The following CNTNAP5 variants were observed in gnomAD, a reference collection of about 807,000 sequenced individuals.
CNTNAP5 encodes the protein contactin associated protein family member 5, also known as contactin-associated protein-like 5.
In CNTNAP5, 72 loss-of-function variants were observed where a neutral mutation model predicts 150.2. The ratio of observed to expected loss-of-function variants is 0.48; its 90% CI spans 0.40 to 0.58. The LOEUF (loss-of-function observed/expected upper bound fraction) is 0.58, where lower values mean the gene tolerates loss of function less well. Ranked by LOEUF, CNTNAP5 falls within the 20% of genes least tolerant of loss-of-function variation. The probability of loss-of-function intolerance (pLI) is 0.00; values close to 1 mark genes in which losing one functional copy is unlikely to be tolerated. For synonymous variants in CNTNAP5, 672 were observed against 619.8 expected (o/e 1.08, Z -1.25); for missense variants, 1,636 against 1,626.2 (o/e 1.01, Z -0.10).
chr2:124,514,259 A>T (rs958946744), intron 8 of CNTNAP5, among the ~76,000 whole-genome samples: 1 of 152,236 alleles, frequency 6.6e-6, no homozygotes, highest in Non-Finnish European at 1.5e-5. Flanking sequence ...AATGTTTACC[A>T]AAGTAGTGAT....
chr2:124,406,873 T>A (rs1691584384), intron 3 of CNTNAP5, among the ~76,000 whole-genome samples: 1 of 152,184 alleles, frequency 6.6e-6, no homozygotes, highest in South Asian at 2.1e-4. Context: ...CTTTCCTGGC[T>A]TCTGGTAACT....
chr2:124,896,261 T>C (rs566268184), intron 21 of CNTNAP5, among the ~76,000 whole-genome samples: 16 of 151,474 alleles, frequency 1.1e-4, no homozygotes, highest in Non-Finnish European at 2.4e-4. Flanking sequence ...AATGAAGAAG[T>C]TTGAAATGCA....
At chr2:124,185,545 TAC>T (rs2104686534) in intron 1 of CNTNAP5, among the ~76,000 whole-genome samples, 1 of 152,270 alleles carries the variant, frequency 6.6e-6, no homozygotes, top group African/African-American at 2.4e-5. Context: ...TGTCAAACCA[TAC>T]AGAGGTGTGA....
At chr2:124,879,782 C>T (rs552897234) in intron 21 of CNTNAP5, among the ~76,000 whole-genome samples, 12 of 152,132 alleles carry the variant, frequency 7.9e-5, no homozygotes, top group Non-Finnish European at 1.5e-4. Context: ...CTCTTCCTTG[C>T]CGATGGCTCT....
intron 2 of CNTNAP5, among the ~76,000 whole-genome samples, chr2:124,235,578 A>T (rs1331592128): frequency 6.6e-6 from 1 of 152,130 alleles, no homozygotes; most frequent in African/African-American, 2.4e-5. Flanking sequence ...ACTCACAGGG[A>T]TGATGTCCTG....
intron 3 of CNTNAP5, among the ~76,000 whole-genome samples, chr2:124,316,804 C>CAAAAAAAAAAAAAAAAAAAAAAAAA (rs56812690): frequency 7.3e-4 from 40 of 54,748 alleles, no homozygotes; most frequent in Middle Eastern, 0.019. Flanking sequence ...GACTCCATCT[C>CAAAAAAAAAAAAAAAAAAAAAAAAA]AAAAAAAAAA....
intron 8 of CNTNAP5, among the ~76,000 whole-genome samples, chr2:124,520,055 G>C (rs1694817860): frequency 6.6e-6 from 1 of 152,210 alleles, no homozygotes; most frequent in East Asian, 1.9e-4. Flanking sequence ...TAATATAAAA[G>C]AATCTGTGAT....
At chr2:124,208,543 C>T (rs1204286757) in intron 1 of CNTNAP5, among the ~76,000 whole-genome samples, 1 of 152,176 alleles carries the variant, frequency 6.6e-6, no homozygotes, top group African/African-American at 2.4e-5. Flanking sequence ...TGCCCATGCC[C>T]TTCCCTTCCA....
intron 19 of CNTNAP5, among the ~76,000 whole-genome samples, chr2:124,855,167 C>CTTTTTTT (rs70999224): frequency 1.5e-4 from 11 of 71,434 alleles, no homozygotes; most frequent in Non-Finnish European, 2.5e-4. Flanking sequence ...TGGGCTTTTG[C>CTTTTTTT]TTTTTTTTTT....
intron 10 of CNTNAP5, among the ~76,000 whole-genome samples, chr2:124,536,803 G>A (rs1018245856): frequency 6.6e-6 from 1 of 152,082 alleles, no homozygotes; most frequent in African/African-American, 2.4e-5. Context: ...GGGCTCTCAT[G>A]TGGAGAGTGT....
chr2:124,248,372 C>G (rs1245536357), intron 3 of CNTNAP5, among the ~76,000 whole-genome samples: 1 of 152,160 alleles, frequency 6.6e-6, no homozygotes, highest in Non-Finnish European at 1.5e-5. Context: ...CACTATGAAG[C>G]CAGCTTAGAA....
chr2:124,581,166 A>G (rs1696401730), intron 11 of CNTNAP5, among the ~76,000 whole-genome samples: 1 of 152,172 alleles, frequency 6.6e-6, no homozygotes, highest in South Asian at 2.1e-4. Flanking sequence ...GAAGTCACTA[A>G]CCCTTGGAGA....
intron 11 of CNTNAP5, among the ~76,000 whole-genome samples, chr2:124,607,091 A>G (rs1475546584): frequency 6.6e-6 from 1 of 152,210 alleles, no homozygotes; most frequent in Non-Finnish European, 1.5e-5. Context: ...CTGTAGTCTA[A>G]TGAGACAATT....
At chr2:124,497,869 C>T (rs1282476409) in intron 7 of CNTNAP5, among the ~76,000 whole-genome samples, 1 of 152,228 alleles carries the variant, frequency 6.6e-6, no homozygotes, top group Non-Finnish European at 1.5e-5. Flanking sequence ...GCAGCATCTT[C>T]TGAAGTTCTT....
At chr2:124,627,290 C>T (rs988950048) in intron 12 of CNTNAP5, among the ~76,000 whole-genome samples, 1 of 152,098 alleles carries the variant, frequency 6.6e-6, no homozygotes, top group Admixed American at 6.5e-5. Context: ...TGAGACCTCC[C>T]AACAGGGGTC....
intron 1 of CNTNAP5, among the ~76,000 whole-genome samples, chr2:124,108,820 A>G (rs1478901454): frequency 6.6e-6 from 1 of 152,188 alleles, no homozygotes; most frequent in Non-Finnish European, 1.5e-5. Flanking sequence ...CAGAAACCAG[A>G]AAGTGATCAA....
intron 13 of CNTNAP5, among the ~76,000 whole-genome samples, chr2:124,685,767 C>CGTGTGT (rs1169030258): frequency 5.3e-5 from 8 of 150,866 alleles, no homozygotes; most frequent in Non-Finnish European, 7.4e-5. Context: ...TGTGTGCGCG[C>CGTGTGT]GCGTGTTATT....
chr2:124,642,434 G>T (rs1254283629), intron 12 of CNTNAP5, among the ~76,000 whole-genome samples: 1 of 152,152 alleles, frequency 6.6e-6, no homozygotes, highest in Non-Finnish European at 1.5e-5. Flanking sequence ...GGACTAATTA[G>T]TTTCTTCACT....
chr2:124,483,999 A>G (rs1693814519), intron 7 of CNTNAP5, among the ~76,000 whole-genome samples: 1 of 152,132 alleles, frequency 6.6e-6, no homozygotes, highest in Non-Finnish European at 1.5e-5. Flanking sequence ...ACTCATCACA[A>G]TTCTGGTTTC....
Sources: allele counts gnomAD v4.1 joint callset (sites outside exome capture counted in the v4.1 genomes callset), GRCh38; gene constraint gnomAD v4.1.1; transcripts MANE v1.5; gene names NCBI Gene and HGNC (gene_info 2026-07-23, HGNC 2026-07-21).